TMEM253: variants seen among roughly 807,000 people sequenced by gnomAD.
TMEM253 encodes the protein transmembrane protein C14orf176.
A neutral mutation model predicts 20.3 loss-of-function variants in TMEM253; 22 were observed. That is an observed-to-expected ratio of 1.08 (90% CI 0.78 to 1.55). TMEM253 has a LOEUF of 1.55. Ranked by LOEUF, TMEM253 falls within the 40% of genes most tolerant of loss-of-function variation. The probability of loss-of-function intolerance (pLI) is 0.00; values close to 1 mark genes in which losing one functional copy is unlikely to be tolerated. For synonymous variants in TMEM253, 92 were observed against 102.6 expected (o/e 0.90, Z 0.62); for missense variants, 251 against 266.1 (o/e 0.94, Z 0.39).
chr14:21,103,255 C>G, exon 7 of TMEM253: 10 of 1,551,236 alleles, frequency 6.4e-6, no homozygotes, highest in Non-Finnish European at 7.8e-6. Flanking sequence ...TCCTTCCACC[C>G]TGAGAGAATG....
exon 7 of TMEM253, chr14:21,103,358 T>A (rs1221686867): frequency 6.8e-7 from 1 of 1,462,670 alleles, no homozygotes. Context: ...GCCTTCAGTT[T>A]TCACTCAAAG....
Position 21,102,917 on chromosome 14 carries a change from T to C in TMEM253, c.534+138T>C. The C allele has an allele frequency of 4.3e-6, 6 of 1,390,410 alleles. No homozygotes were observed. In the South Asian group the frequency reaches 8.7e-5, roughly 20 times the overall value. 86.1% of individuals were successfully genotyped at this position (1,390,410 alleles called of 1,614,324 possible). A position where few individuals can be genotyped will look rare whatever the true frequency, so the allele number is the denominator to read the frequency against. On this transcript the variant is annotated intron_variant, in intron 6 of 6. Coordinates refer to ENST00000556585, the Ensembl canonical transcript of TMEM253. ...GGTCCTAGAATGAAACTGATTGGCT[T>C]TCTCTGGCTTTGAACATTTCTCCCC...
upstream of TMEM253, among the ~76,000 whole-genome samples, chr14:21,100,235 A>G (rs1889545101): frequency 6.6e-6 from 1 of 152,080 alleles, no homozygotes; most frequent in Non-Finnish European, 1.5e-5. Flanking sequence ...GCATGGTGGC[A>G]TGTGCCTGTG....
upstream of TMEM253, chr14:21,099,248 C>CTATCTAATAGTATATAATAG (rs1889494482): frequency 6.4e-6 from 1 of 156,208 alleles, no homozygotes; most frequent in East Asian, 1.9e-4. Flanking sequence ...GCCTGTTCAC[C>CTATCTAATAGTATATAATAG]TATCTAATAG....
chr14:21,102,446 G>A (rs1196681180), exon 5 of TMEM253: 1 of 1,551,534 alleles, frequency 6.4e-7, no homozygotes, highest in African/African-American at 1.4e-5. Context: ...ACTTGATCTT[G>A]GGTTTCATAG....
chr14:21,099,494 G>A (rs1301300258), upstream of TMEM253, among the ~76,000 whole-genome samples: 1 of 152,162 alleles, frequency 6.6e-6, no homozygotes, highest in Non-Finnish European at 1.5e-5. Context: ...CCCCGGGAAA[G>A]AAAAGAGTAG....
intron 3 of TMEM253, 24 bp downstream of exon 3, chr14:21,101,999 T>C (rs1488381432): frequency 3.2e-6 from 5 of 1,550,630 alleles, no homozygotes; most frequent in Non-Finnish European, 4.4e-6. Context: ...CAAGGGAGGG[T>C]GGAAGGTCCC....
chr14:21,098,862 G>C (rs756355848), upstream of TMEM253: 8 of 1,285,662 alleles, frequency 6.2e-6, no homozygotes, highest in African/African-American at 1.5e-5. Context: ...GCACAGACTC[G>C]GGAAGTTCTT....
At chr14:21,099,257 A>AGT (rs1889495006), upstream of TMEM253, 1 of 154,702 alleles carries the variant, frequency 6.5e-6, no homozygotes, top group Non-Finnish European at 1.4e-5. Context: ...CCTATCTAAT[A>AGT]GTATATAATC....
At chr14:21,099,621 C>T (rs1291099218), upstream of TMEM253, among the ~76,000 whole-genome samples, 1 of 152,234 alleles carries the variant, frequency 6.6e-6, no homozygotes. Flanking sequence ...AGTCTTCTGG[C>T]GCAGTCTCCT....
At chr14:21,103,377 T>C in exon 7 of TMEM253, 1 of 1,434,132 alleles carries the variant, frequency 7.0e-7, no homozygotes, top group South Asian at 1.5e-5. Context: ...AGCAGGCCCT[T>C]TTTTCGTTCC....
At chr14:21,102,895 C>CT in intron 6 of TMEM253, 116 bp downstream of exon 6, 7 of 1,437,944 alleles carry the variant, frequency 4.9e-6, no homozygotes, top group Non-Finnish European at 6.4e-6. Context: ...AAGAAGAGGT[C>CT]CTAGAATGAA....
At position 21,101,398 on chromosome 14, in the gene TMEM253, A is replaced by G. The variant is rs1263427106; in HGVS notation, c.55A>G (p.Lys19Glu). 6 of 1,551,590 alleles carry G rather than the reference A, an allele frequency of 3.9e-6. No homozygotes were observed. The highest frequency in any genetic ancestry group is 5.2e-6 in the Non-Finnish European group (6 of 1,146,966). ...GGAGAGACACAGCCTTCGTCTGGAA[A>G]AGCTACAACACTGGGCAAGGCACAG... The change falls in exon 2 of 7, where the codon AAG becomes GAG. Residue 19 changes from lysine to glutamate, a missense_variant. Lys to Glu is a moderately conservative substitution (Grantham distance 56). Transcript: ENST00000556585.
chr14:21,102,531 G>A lies in TMEM253; in HGVS notation c.387+16G>A. ...CTCCTCCCAGGTACTGGTCAATGAA[G>A]GAGAAGGTGGGAGGATAAGGAGGCA... On this transcript the variant is annotated intron_variant, in intron 5 of 6. Transcript: ENST00000556585. 2.6e-6 allele frequency: 4 copies of A among 1,551,758 alleles called. No homozygotes were observed. The highest frequency in any genetic ancestry group is 3.5e-6 in the Non-Finnish European group (4 of 1,147,002).
rs1186087726 is a variant in TMEM253, at chr14:21,102,670, C to T, written c.425C>T (p.Ala142Val). ...CTGGTGCTGGAACTCAGTGCTGAGG[C>T]CTTCACCCTAGGGGGAGTGCTGGTC... is the stretch of plus-strand genomic sequence containing the variant. The change falls in exon 6 of 7, where the codon GCC becomes GTC. Residue 142 changes from alanine (A) to valine (V), a missense_variant. Ala to Val is a moderately conservative substitution (Grantham distance 64, BLOSUM62 0). Transcript: ENST00000556585. 1.9e-6 allele frequency: 3 copies of T among 1,551,378 alleles called. No individual in the cohort carries two copies. The Admixed American group carries it at 5.9e-5, about 30-fold the overall frequency.
chr14:21,099,418 C>T (rs1393757387), upstream of TMEM253, among the ~76,000 whole-genome samples: 2 of 152,092 alleles, frequency 1.3e-5, no homozygotes, highest in Non-Finnish European at 2.9e-5. Context: ...AATCAATGCA[C>T]GTGGGAATTG....
exon 3 of TMEM253, chr14:21,101,929 C>A: frequency 6.4e-7 from 1 of 1,551,646 alleles, no homozygotes; most frequent in South Asian, 1.2e-5. Flanking sequence ...TGCCTGAACT[C>A]TGATTGTCAC....
chr14:21,103,015 C>A (rs1889744252), intron 6 of TMEM253, 124 bp from the exon 7 acceptor site: 1 of 1,491,330 alleles, frequency 6.7e-7, no homozygotes, highest in South Asian at 1.2e-5. Context: ...TAGGAAGCTG[C>A]CTAAATATTG....
At chr14:21,102,558 G>A (rs910093513) in intron 5 of TMEM253, 43 bp downstream of exon 5, 8 of 1,551,620 alleles carry the variant, frequency 5.2e-6, no homozygotes, top group Non-Finnish European at 7.0e-6. Context: ...AAGGAGGCAA[G>A]AGGAGGTGGG....
Sources: allele counts gnomAD v4.1 joint callset (sites outside exome capture counted in the v4.1 genomes callset), GRCh38; gene constraint gnomAD v4.1.1; transcripts MANE v1.5; gene names NCBI Gene and HGNC (gene_info 2026-07-23, HGNC 2026-07-21).